The following DNAH2 variants were observed in gnomAD, a reference collection of about 807,000 sequenced individuals.
DNAH2 encodes the protein dynein axonemal heavy chain 2, also known as axonemal beta dynein heavy chain 2.
DNAH2 carries 323 observed loss-of-function variants against 523.5 expected under a neutral mutation model. The ratio of observed to expected loss-of-function variants is 0.62; its 90% CI spans 0.56 to 0.68. The LOEUF (loss-of-function observed/expected upper bound fraction) is 0.68, where lower values mean the gene tolerates loss of function less well. DNAH2 is among the 30% of genes least tolerant of loss of function. The pLI is 0.00. For synonymous variants in DNAH2, 2,093 were observed against 2,177.4 expected, an observed-to-expected ratio of 0.96 and a Z score of 1.08; for missense variants, 4,907 against 5,701.5, an observed-to-expected ratio of 0.86 and a Z score of 4.49.
intron 61 of DNAH2, 67 bp downstream of exon 61, chr17:7,805,460 G>A (rs1567730130): frequency 5.6e-6 from 9 of 1,602,296 alleles, no homozygotes; most frequent in Non-Finnish European, 7.7e-6. Flanking sequence ...CGGCTGTGCA[G>A]CAGACACTCA....
At chr17:7,725,898 T>C (rs1194755166) in intron 3 of DNAH2, among the ~76,000 whole-genome samples, 2 of 147,220 alleles carry the variant, frequency 1.4e-5, no homozygotes, top group Non-Finnish European at 3.1e-5. Flanking sequence ...TAATTTTTCT[T>C]GACCTGGAAA....
chr17:7,833,451 G>A lies in DNAH2; in HGVS notation c.13202G>A (p.Gly4401Asp). ...TCAGACCGAGCCTCCTTTGTCATCG[G>A]CATTGACCTGCGGTCTGGGGCCATG... Reference protein sequence around the residue: ...GSSDRASFVIGIDLRSGAMTP... With the variant: ...GSSDRASFVIDIDLRSGAMTP... Residue 4401 changes from glycine (G) to aspartate (D), a missense_variant, in exon 86 of 86, where the codon GGC becomes GAC. Around this residue, in one of 3 missense-constraint regions of DNAH2, gnomAD observed 1,851 missense variants for 2,139.4 expected, o/e 0.87. Coordinates refer to ENST00000572933, the MANE Select transcript of DNAH2 (RefSeq NM_020877.5). 1 of 1,614,104 alleles carries A rather than the reference G, an allele frequency of 6.2e-7. No individual in the cohort carries two copies. The highest frequency in any genetic ancestry group is 8.5e-7 in the Non-Finnish European group (1 of 1,180,032).
intron 39 of DNAH2, among the ~76,000 whole-genome samples, chr17:7,785,486 A>G (rs1404553204): frequency 6.6e-6 from 1 of 152,234 alleles, no homozygotes; most frequent in Non-Finnish European, 1.5e-5. Flanking sequence ...CAGAAAACAT[A>G]CTAATAAAAC....
Position 7,832,707 on chromosome 17 carries a change from C to T in DNAH2, c.12855C>T (p.Pro4285=), listed in dbSNP as rs2078217635. The change falls in exon 83 of 86, where the codon CCC becomes CCT. Residue 4285 remains proline, a synonymous_variant. Transcript: ENST00000572933. This position sits in a 1 kb window ranked among gnomAD's most constrained non-coding sequence, Gnocchi z 4.3. ...VIFWLSGFTF[P]TGFLTAVLQS... ...TCTGGTTGTCTGGTTTCACCTTTCC[C>T]ACTGGCTTCCTCACTGCTGTGCTGC... is the stretch of plus-strand genomic sequence containing the variant. 1 of 1,614,140 alleles carries T rather than the reference C, an allele frequency of 6.2e-7. No individual in the cohort carries two copies.
rs1435366274 is a variant in DNAH2 at position 7,798,988 on chromosome 17, G to A, written c.8560-115G>A. 4.9e-6 allele frequency: 7 copies of A among 1,421,636 alleles called. No homozygotes were observed. Among genetic ancestry groups the A allele is most frequent in the Non-Finnish European group, 6.6e-6 (7 of 1,054,144 alleles). The allele number at this position is 1,421,636 out of a possible 1,614,324, so 88.1% of individuals were successfully genotyped here. ...TGCTGAAGTGGGAGGATGGTTTGAGGCCAGGAGTTCAAGTCCAGCCTGGGA... is the reference window on the plus strand; with the variant it reads ...TGCTGAAGTGGGAGGATGGTTTGAGACCAGGAGTTCAAGTCCAGCCTGGGA... On this transcript the variant is annotated intron_variant, in intron 55 of 85. Coordinates refer to ENST00000572933, the MANE Select transcript of DNAH2 (RefSeq NM_020877.5). This position sits in a 1 kb window ranked among gnomAD's most constrained non-coding sequence, Gnocchi z 5.5.
rs940396648 is a variant in DNAH2 at position 7,786,774 on chromosome 17, G to C, written c.6466+87G>C. Reference sequence around the variant, plus strand: ...TCTGGGGATAGGAAGTTCCAAGTTGGGAGAGAAATGCCTGGGGAATGCTGA... The same window carrying C: ...TCTGGGGATAGGAAGTTCCAAGTTGCGAGAGAAATGCCTGGGGAATGCTGA... On this transcript the variant is annotated intron_variant, in intron 41 of 85. Transcript: ENST00000572933. This position sits in a 1 kb window ranked among gnomAD's most constrained non-coding sequence, Gnocchi z 7.5. 2.1e-5 allele frequency: 34 copies of C among 1,597,658 alleles called. No individual in the cohort carries two copies. The highest frequency in any genetic ancestry group is 1.2e-4 in the South Asian group (11 of 89,720).
intron 77 of DNAH2, among the ~76,000 whole-genome samples, chr17:7,826,533 ATC>A (rs2078023001): frequency 1.6e-5 from 2 of 126,838 alleles, no homozygotes; most frequent in Non-Finnish European, 3.3e-5. Context: ...TGTGCCCATC[ATC>A]TTTTTTTTTT....
intron 12 of DNAH2, among the ~76,000 whole-genome samples, chr17:7,745,027 C>T (rs888909711): frequency 2.0e-5 from 3 of 151,556 alleles, no homozygotes; most frequent in Non-Finnish European, 2.9e-5. Context: ...CAGAGTCTCA[C>T]TCTGTCGCCC....
At chr17:7,789,270 G>T (rs55911533) in intron 44 of DNAH2, among the ~76,000 whole-genome samples, 34,461 of 152,194 alleles carry the variant, frequency 0.23, 4,876 homozygotes, top group Non-Finnish European at 0.32. Context: ...CAAGAAGGAC[G>T]GGCTGGGTAG....
chr17:7,765,213 ACG>A, intron 20 of DNAH2, among the ~76,000 whole-genome samples, 176 bp from the exon 21 acceptor site: 1 of 151,386 alleles, frequency 6.6e-6, no homozygotes, highest in Non-Finnish European at 1.5e-5. Flanking sequence ...GTCATCCTCC[ACG>A]CATGAGAGGG....
In DNAH2 at chr17:7,781,117, G is replaced by A. The variant is rs367747929; in HGVS notation, c.6079G>A (p.Val2027Met). 1.6e-5 allele frequency: 26 copies of A among 1,614,094 alleles called. No homozygotes were observed. The highest frequency in any genetic ancestry group is 2.7e-5 in the African/African-American group (2 of 74,944). The change falls in exon 39 of 86, where the codon GTG (valine) becomes ATG (methionine). Residue 2027 changes from valine to methionine, a missense_variant. Physicochemically the swap from Val to Met is conservative, Grantham distance 21 (BLOSUM62 1). This residue lies in a region of DNAH2 where 2,806 missense variants were observed against 3,190.8 expected (regional missense o/e 0.88). Transcript: ENST00000572933. ...SVDAPLFNAI[V>M]QDLFPNIELP... Reference sequence around the variant, plus strand: ...TGATGCACCCCTGTTCAATGCCATCGTGCAAGATCTGTTTCCCAACATTGA... The same window carrying A: ...TGATGCACCCCTGTTCAATGCCATCATGCAAGATCTGTTTCCCAACATTGA...
At chr17:7,752,160 T>TACACACACACACACACACAC (rs1555544463) in intron 12 of DNAH2, among the ~76,000 whole-genome samples, 15 of 125,036 alleles carry the variant, frequency 1.2e-4, no homozygotes, top group East Asian at 2.8e-4. Flanking sequence ...TAAGTCATTT[T>TACACACACACACACACACAC]ACACACACAC....
intron 11 of DNAH2, 43 bp from the exon 12 acceptor site, chr17:7,742,885 A>AAAT: frequency 1.4e-6 from 2 of 1,390,102 alleles, no homozygotes; most frequent in Non-Finnish European, 9.4e-7. Context: ...CCCTGGAGGA[A>AAAT]GGTGGCAGGC....
At chr17:7,822,860 G>T (rs549209285) in intron 73 of DNAH2, among the ~76,000 whole-genome samples, 2 of 152,190 alleles carry the variant, frequency 1.3e-5, no homozygotes, top group African/African-American at 4.8e-5. Context: ...CAGTCATTAG[G>T]TTGGAGACAT....
chr17:7,754,542 G>A lies in DNAH2; in HGVS notation c.1905-2549G>A, dbSNP rs2151185296. 6.8e-6 allele frequency: 8 copies of A among 1,184,812 alleles called. No homozygotes were observed. The highest frequency in any genetic ancestry group is 9.8e-6 in the Non-Finnish European group (8 of 813,484). 73.4% of individuals were successfully genotyped at this position (1,184,812 alleles called of 1,614,324 possible). A position where few individuals can be genotyped will look rare whatever the true frequency, so the allele number is the denominator to read the frequency against. ...GCTTTGCCAAGAAGCACAAAAGAAG[G>A]GCCTAAAGAAGATGCACACCAACAA... On this transcript the variant is annotated intron_variant, in intron 12 of 85. Coordinates refer to ENST00000572933, the MANE Select transcript of DNAH2 (RefSeq NM_020877.5). This position sits in a 1 kb window ranked among gnomAD's most constrained non-coding sequence, Gnocchi z 4.6.
chr17:7,735,993 T>C (rs1449586486), intron 7 of DNAH2, among the ~76,000 whole-genome samples: 2 of 152,006 alleles, frequency 1.3e-5, no homozygotes, highest in Non-Finnish European at 2.9e-5. Context: ...CCTCAGGTGA[T>C]CCACCCGCCT....
In DNAH2 at chr17:7,754,853, G is replaced by C; in HGVS notation, c.1905-2238G>C. 1 of 656,872 alleles carries C rather than the reference G, an allele frequency of 1.5e-6. No individual in the cohort carries two copies. The highest frequency in any genetic ancestry group is 2.7e-6 in the Non-Finnish European group (1 of 368,368). 40.7% of individuals were successfully genotyped at this position (656,872 alleles called of 1,614,324 possible). A position where few individuals can be genotyped will look rare whatever the true frequency, so the allele number is the denominator to read the frequency against. On this transcript the variant is annotated intron_variant, in intron 12 of 85. Coordinates refer to ENST00000572933, the MANE Select transcript of DNAH2 (RefSeq NM_020877.5). The surrounding 1 kb of genome is among the most constrained non-coding windows in gnomAD (Gnocchi z 4.6). ...AGTGCCCTACAAAGACTTCAGAGTA[G>C]ATATCTCTGTCTGCCAACGTGAGGA...
rs186012587 is a variant in DNAH2, at chr17:7,788,282, G to C, written c.6900+38G>C. The C allele has an allele frequency of 7.9e-6, 12 of 1,527,306 alleles. No individual in the cohort carries two copies. The Admixed American group carries it at 2.1e-4, about 26-fold the overall frequency. The allele number at this position is 1,527,306 out of a possible 1,614,324, so 94.6% of individuals were successfully genotyped here. ...CACAGACCACGGGCAGGGGCAGGGG[G>C]TGCTCACAGCCTCACCAGAACAACT... On this transcript the variant is annotated intron_variant, in intron 44 of 85. Transcript: ENST00000572933.
chr17:7,771,931 G>T (rs910469712), intron 28 of DNAH2, among the ~76,000 whole-genome samples: 1 of 152,166 alleles, frequency 6.6e-6, no homozygotes, highest in East Asian at 1.9e-4. Context: ...TGGCCAGGCT[G>T]CCTTGAACTC....
Sources: allele counts gnomAD v4.1 joint callset (sites outside exome capture counted in the v4.1 genomes callset), GRCh38; gene constraint gnomAD v4.1.1; regional missense constraint gnomAD v4.1.1; non-coding constraint Gnocchi (gnomAD v3.1); transcripts MANE v1.5; gene names NCBI Gene and HGNC (gene_info 2026-07-23, HGNC 2026-07-21).